ANKRD17: variants seen among roughly 807,000 people sequenced by gnomAD.
ANKRD17 encodes the protein ankyrin repeat domain 17.
A neutral mutation model predicts 229.7 loss-of-function variants in ANKRD17; 19 were observed. The ratio of observed to expected loss-of-function variants is 0.08; its 90% confidence interval spans 0.06 to 0.12. The LOEUF is 0.12. Among genes scored for constraint, ANKRD17 ranks in the 10% least tolerant of loss-of-function variants. The pLI is 1.00. For missense variants in ANKRD17, 2,176 were observed against 3,176.8 expected (o/e 0.68, Z 7.57); for synonymous variants, 1,112 against 1,146.1 (o/e 0.97, Z 0.60).
chr4:73,086,424 T>C (rs1722131043), intron 29 of ANKRD17, among the ~76,000 whole-genome samples: 1 of 152,156 alleles, frequency 6.6e-6, no homozygotes, highest in Non-Finnish European at 1.5e-5. Context: ...CATTTACTCT[T>C]CCTCTTCTTT....
chr4:73,255,291 A>ATT (rs1745360585), intron 1 of ANKRD17, among the ~76,000 whole-genome samples: 1 of 152,222 alleles, frequency 6.6e-6, no homozygotes, highest in Non-Finnish European at 1.5e-5. Flanking sequence ...TTTGGCAGAT[A>ATT]CAGAGATTAT....
intron 29 of ANKRD17, among the ~76,000 whole-genome samples, chr4:73,088,482 T>C (rs757587933): frequency 2.6e-5 from 4 of 152,164 alleles, no homozygotes; most frequent in Non-Finnish European, 5.9e-5. Context: ...TATTTTTTTG[T>C]TCTCTAAAGC....
intron 16 of ANKRD17, among the ~76,000 whole-genome samples, chr4:73,126,499 G>A (rs112215226): frequency 8.6e-4 from 131 of 152,114 alleles, no homozygotes; most frequent in African/African-American, 2.9e-3. Flanking sequence ...AAGTAACTTA[G>A]CTGTATTTGA....
chr4:73,228,447 T>G (rs963794622), intron 1 of ANKRD17, among the ~76,000 whole-genome samples: 45 of 152,186 alleles, frequency 3.0e-4, no homozygotes, highest in African/African-American at 9.9e-4. Flanking sequence ...ATGATTTTTA[T>G]GTAAAAGTAA....
At chr4:73,194,925 T>G (rs896694843) in intron 1 of ANKRD17, among the ~76,000 whole-genome samples, 19 of 152,162 alleles carry the variant, frequency 1.2e-4, no homozygotes, top group African/African-American at 4.3e-4. Context: ...GTGTTTCATG[T>G]TTTTTGGTGC....
chr4:73,154,185 T>A, intron 5 of ANKRD17, 72 bp from the exon 6 acceptor site: 1 of 1,038,386 alleles, frequency 9.6e-7, no homozygotes, highest in Non-Finnish European at 1.3e-6. Flanking sequence ...TAATTTACAT[T>A]AAGAAAATGG....
chr4:73,169,943 G>A (rs891708265), intron 2 of ANKRD17, among the ~76,000 whole-genome samples: 9 of 152,176 alleles, frequency 5.9e-5, no homozygotes, highest in Non-Finnish European at 1.0e-4. Context: ...AGCAAGCCCT[G>A]TCAACACGGG....
At chr4:73,100,730 T>C (rs2148602954) in intron 25 of ANKRD17, 1 of 556,924 alleles carries the variant, frequency 1.8e-6, no homozygotes, top group African/African-American at 2.0e-5. Context: ...GTTTTAAAAA[T>C]GTAGGTGACA....
intron 2 of ANKRD17, among the ~76,000 whole-genome samples, chr4:73,171,763 G>A (rs1335226931): frequency 2.3e-4 from 35 of 152,130 alleles, no homozygotes. Flanking sequence ...GCTGAAAAAT[G>A]CAACAGACAC....
At chr4:73,244,238 T>C (rs1349623585) in intron 1 of ANKRD17, among the ~76,000 whole-genome samples, 1 of 152,132 alleles carries the variant, frequency 6.6e-6, no homozygotes, top group Non-Finnish European at 1.5e-5. Flanking sequence ...CTGAAATACT[T>C]GGGGTTAGGG....
At chr4:73,215,706 G>A (rs894285815) in intron 1 of ANKRD17, among the ~76,000 whole-genome samples, 2 of 152,120 alleles carry the variant, frequency 1.3e-5, no homozygotes, top group African/African-American at 4.8e-5. Context: ...AAAGTTCACC[G>A]GTAATTGTTT....
At chr4:73,077,789 A>G (rs971401290) in intron 31 of ANKRD17, among the ~76,000 whole-genome samples, 43 of 152,240 alleles carry the variant, frequency 2.8e-4, no homozygotes, top group African/African-American at 1.0e-3. Flanking sequence ...AGGAAATATT[A>G]TTATGTCCTT....
At chr4:73,164,068 T>C (rs906857792) in intron 2 of ANKRD17, among the ~76,000 whole-genome samples, 9 of 152,224 alleles carry the variant, frequency 5.9e-5, no homozygotes, top group African/African-American at 1.9e-4. Context: ...TTAAAAGTCA[T>C]ACTATATTCT....
chr4:73,176,474 A>T (rs952455487), intron 2 of ANKRD17, among the ~76,000 whole-genome samples: 6 of 152,158 alleles, frequency 3.9e-5, no homozygotes, highest in African/African-American at 1.4e-4. Context: ...AAAGGAAATC[A>T]GTATATTGAA....
chr4:73,126,110 TGAG>T (rs911735296), intron 16 of ANKRD17, among the ~76,000 whole-genome samples: 8 of 152,046 alleles, frequency 5.3e-5, no homozygotes, highest in African/African-American at 1.9e-4. Flanking sequence ...CTCCCCAACT[TGAG>T]AAGACAGAAT....
At chr4:73,079,799 C>T (rs1721367292) in intron 30 of ANKRD17, among the ~76,000 whole-genome samples, 2 of 151,986 alleles carry the variant, frequency 1.3e-5, no homozygotes, top group African/African-American at 4.8e-5. Flanking sequence ...CAAAAATAAC[C>T]AAAATTATAT....
chr4:73,123,574 A>C (rs1727039420), intron 18 of ANKRD17, among the ~76,000 whole-genome samples: 1 of 152,102 alleles, frequency 6.6e-6, no homozygotes, highest in South Asian at 2.1e-4. Flanking sequence ...ATTATGGAAA[A>C]AAATGCCTAT....
chr4:73,078,923 G>T, intron 30 of ANKRD17, 33 bp from the exon 31 acceptor site: 8 of 1,587,216 alleles, frequency 5.0e-6, no homozygotes, highest in Non-Finnish European at 6.9e-6. Flanking sequence ...TAAAATACAG[G>T]TCATCTATAG....
chr4:73,161,148 T>C (rs1434774870), intron 3 of ANKRD17, 44 bp downstream of exon 3: 4 of 1,597,524 alleles, frequency 2.5e-6, no homozygotes, highest in Non-Finnish European at 3.4e-6. Context: ...GTTATTATTT[T>C]TAAGAAAATG....
Sources: gnomAD v4.1 joint callset for allele counts (sites outside exome capture counted in the v4.1 genomes callset) on GRCh38, gnomAD v4.1.1 for gene constraint, MANE v1.5 for transcripts, NCBI Gene and HGNC (gene_info 2026-07-23, HGNC 2026-07-21) for gene names.